The following LRRFIP2 variants were observed in gnomAD, a reference collection of about 807,000 sequenced individuals.
The protein encoded by LRRFIP2 is leucine-rich repeat flightless-interacting protein 2.
LRRFIP2 carries 109 observed loss-of-function variants against 125.9 expected under a neutral mutation model. The observed-to-expected ratio is 0.87, with a 90% confidence interval of 0.74 to 1.01. LRRFIP2 has a LOEUF of 1.01. Ranked by LOEUF, LRRFIP2 falls within the 50% of genes least tolerant of loss-of-function variation. LRRFIP2 has a pLI of 0.00. For missense variants in LRRFIP2, 850 were observed against 862.3 expected (o/e 0.99, Z 0.18); for synonymous variants, 291 against 293.1 (o/e 0.99, Z 0.07).
At chr3:37,063,892 AATTAC>A (rs2089463946) in intron 23 of LRRFIP2, 101 bp from the exon 24 acceptor site, 1 of 805,066 alleles carries the variant, frequency 1.2e-6, no homozygotes, top group Non-Finnish European at 2.2e-6. Flanking sequence ...TTATCTGATA[AATTAC>A]ATTACTTACA....
chr3:37,072,658 T>C lies in LRRFIP2; in HGVS notation c.1464+132A>G, dbSNP rs1576082528. ...TTTTCCTATGGAAGTCTCTGTCTCC[T>C]ACTGACTCATTTTTCATACTGTGTA... On this transcript the variant is annotated intron_variant, in intron 21 of 27. Transcript: ENST00000336686. The C allele has an allele frequency of 1.4e-5, 7 of 517,616 alleles. No individual in the cohort carries two copies. The East Asian group carries it at 2.2e-4, about 16-fold the overall frequency. 32.1% of individuals were successfully genotyped at this position (517,616 alleles called of 1,614,324 possible). A position where few individuals can be genotyped will look rare whatever the true frequency, so the allele number is the denominator to read the frequency against.
intron 6 of LRRFIP2, among the ~76,000 whole-genome samples, chr3:37,117,839 AGT>A (rs2094863300): frequency 6.6e-6 from 1 of 152,214 alleles, no homozygotes; most frequent in Non-Finnish European, 1.5e-5. Flanking sequence ...TACACACCAT[AGT>A]GTCTTTCCTT....
chr3:37,161,792 G>GAA (rs540214528), intron 1 of LRRFIP2, among the ~76,000 whole-genome samples: 4 of 70,086 alleles, frequency 5.7e-5, no homozygotes, highest in African/African-American at 8.9e-5. Flanking sequence ...ACAGAAAACA[G>GAA]AAAAAAAAAA....
chr3:37,089,742 CAT>C (rs1037872030), intron 18 of LRRFIP2, among the ~76,000 whole-genome samples: 27 of 152,262 alleles, frequency 1.8e-4, no homozygotes, highest in African/African-American at 5.5e-4. Context: ...CCCTGAATCA[CAT>C]GATTGCTTTC....
At chr3:37,104,679 C>T (rs577063441) in intron 14 of LRRFIP2, among the ~76,000 whole-genome samples, 5 of 152,238 alleles carry the variant, frequency 3.3e-5, no homozygotes, top group African/African-American at 1.2e-4. Context: ...ACAAAAATGT[C>T]ATCAGTTTTC....
rs150508244 is a variant in LRRFIP2, at chr3:37,171,741, C to T, written c.-56+2798G>A. Among the ~76,000 whole-genome samples the T allele has an allele frequency of 6.0e-4, 92 of 152,292 alleles. No individual in the cohort carries two copies. The East Asian group carries it at 0.015, about 25-fold the overall frequency. On this transcript the variant is annotated intron_variant, in intron 1 of 27. Transcript: ENST00000336686. ...AGGAAAAAAGGAGGTAGATTATTTA[C>T]TTCTTTCCTGACTAATAATATAGTA... is the stretch of plus-strand genomic sequence containing the variant.
At chr3:37,102,866 T>C in intron 15 of LRRFIP2, 58 bp downstream of exon 15, 1 of 1,076,848 alleles carries the variant, frequency 9.3e-7, no homozygotes, top group Non-Finnish European at 1.4e-6. Context: ...GCTAACATAT[T>C]AGCTGTTAGT....
chr3:37,124,909 AC>A (rs1300136310), intron 4 of LRRFIP2, among the ~76,000 whole-genome samples: 7 of 152,312 alleles, frequency 4.6e-5, no homozygotes, highest in Admixed American at 2.6e-4. Context: ...ATAACAGATT[AC>A]AGCAAACTGT....
intron 25 of LRRFIP2, among the ~76,000 whole-genome samples, chr3:37,056,953 GTC>G (rs2087064651): frequency 6.6e-6 from 1 of 152,020 alleles, no homozygotes; most frequent in Non-Finnish European, 1.5e-5. Context: ...AAAAGTTTAA[GTC>G]TCTTATCTCA....
intron 18 of LRRFIP2, among the ~76,000 whole-genome samples, chr3:37,086,981 C>T (rs2093096647): frequency 6.6e-6 from 1 of 151,970 alleles, no homozygotes; most frequent in Non-Finnish European, 1.5e-5. Flanking sequence ...CCCATGTCAG[C>T]CTCCCGAGTA....
At chr3:37,165,246 CA>C (rs990138975) in intron 1 of LRRFIP2, among the ~76,000 whole-genome samples, 1 of 149,110 alleles carries the variant, frequency 6.7e-6, no homozygotes, top group Non-Finnish European at 1.5e-5. Flanking sequence ...AAAAAAAAAA[CA>C]AAAAAACAAA....
At chr3:37,162,069 T>A (rs2096360459) in intron 1 of LRRFIP2, among the ~76,000 whole-genome samples, 1 of 144,100 alleles carries the variant, frequency 6.9e-6, no homozygotes, top group Admixed American at 7.3e-5. Flanking sequence ...GGCAGGAGCA[T>A]CGCTTGAGCC....
At position 37,091,511 on chromosome 3, in the gene LRRFIP2, G is replaced by A. The variant is rs777000693; in HGVS notation, c.1063C>T (p.Gln355Ter). The A allele has an allele frequency of 6.2e-7, 1 of 1,611,744 alleles. No individual in the cohort carries two copies. The highest frequency in any genetic ancestry group is 2.2e-5 in the East Asian group (1 of 44,766). ...RDIYDLKDQI[Q>*]DVEGRYMQGL... ...TGCATGTATCTCCCTTCTACATCCTGTATCTGGTCCTTAAGGTCATAGATA... is the reference window on the plus strand; with the variant it reads ...TGCATGTATCTCCCTTCTACATCCTATATCTGGTCCTTAAGGTCATAGATA... Residue 355 changes from glutamine (Q) to a stop codon, truncating the protein, a stop_gained, in exon 18 of 28, where the codon CAG (glutamine) becomes TAG (stop). Coordinates refer to ENST00000336686, the MANE Select transcript of LRRFIP2 (RefSeq NM_006309.4). LOFTEE classifies it high-confidence loss of function.
chr3:37,117,590 TTTTAAC>T (rs1219643736), intron 6 of LRRFIP2, among the ~76,000 whole-genome samples: 1 of 152,108 alleles, frequency 6.6e-6, no homozygotes, highest in Non-Finnish European at 1.5e-5. Flanking sequence ...AGAAAATTTT[TTTTAAC>T]TTTAAAAGTT....
In LRRFIP2 at chr3:37,107,357, G is replaced by A. The variant is rs116216290; in HGVS notation, c.714+716C>T. On this transcript the variant is annotated intron_variant, in intron 13 of 27. Coordinates refer to ENST00000336686, the MANE Select transcript of LRRFIP2 (RefSeq NM_006309.4). Reference sequence around the variant, plus strand: ...AATTTTTATCAAAAAAAGAAAGAATGAAATAAATTTATAGGTGCTGATACA... The same window carrying A: ...AATTTTTATCAAAAAAAGAAAGAATAAAATAAATTTATAGGTGCTGATACA... Among the ~76,000 whole-genome samples the A allele has an allele frequency of 4.2e-3, 645 of 152,224 alleles. 4 individuals are homozygous for A. Among genetic ancestry groups the A allele is most frequent in the African/African-American group, 0.015 (611 of 41,534 alleles).
chr3:37,126,868 A>AAAAAGAAAG (rs59982718), intron 4 of LRRFIP2, among the ~76,000 whole-genome samples: 3,164 of 147,226 alleles, frequency 0.021, 106 homozygotes, highest in African/African-American at 0.071. Context: ...TCAAAAAAAA[A>AAAAAGAAAG]AAAGAAAGAA....
Position 37,083,770 on chromosome 3 carries a change from C to T in LRRFIP2, c.1144G>A (p.Ala382Thr), listed in dbSNP as rs1279811021. Residue 382 changes from alanine (A) to threonine (T), a missense_variant, in exon 19 of 28, where the codon GCC becomes ACC. By Grantham distance (58) the Ala-to-Thr change is moderately conservative. Coordinates refer to ENST00000336686, the MANE Select transcript of LRRFIP2 (RefSeq NM_006309.4). The stretch of plus-strand genomic sequence containing the variant: ...TCTAACTGTGCATTGGAAACCATGG[C>T]TTTCTTGTATTTTTCTTCCACTTCA... ...LSEVEEKYKK[A>T]MVSNAQLDNE... The T allele has an allele frequency of 6.3e-7, 1 of 1,592,796 alleles. No homozygotes were observed. The highest frequency in any genetic ancestry group is 8.5e-7 in the Non-Finnish European group (1 of 1,173,618).
intron 2 of LRRFIP2, among the ~76,000 whole-genome samples, chr3:37,146,983 A>T (rs996253524): frequency 6.6e-6 from 1 of 152,196 alleles, no homozygotes; most frequent in African/African-American, 2.4e-5. Context: ...AAGGTCTAAT[A>T]TCCAGAATCT....
chr3:37,093,289 G>A (rs930698919), intron 17 of LRRFIP2: 5 of 152,774 alleles, frequency 3.3e-5, no homozygotes, highest in Admixed American at 2.0e-4. Flanking sequence ...AGTGAAGAGG[G>A]GACCTCCAGT....
Sources: allele counts gnomAD v4.1 joint callset (sites outside exome capture counted in the v4.1 genomes callset), GRCh38; gene constraint gnomAD v4.1.1; transcripts MANE v1.5; gene names NCBI Gene and HGNC (gene_info 2026-07-23, HGNC 2026-07-21).